The following PDE10A variants were observed in gnomAD, a reference collection of about 807,000 sequenced individuals.
The protein encoded by PDE10A is phosphodiesterase 10A, also known as cAMP and cAMP-inhibited cGMP 3',5'-cyclic phosphodiesterase 10A.
Under a neutral mutation model 97.7 loss-of-function variants are expected in PDE10A, and 39 were observed. That is an observed-to-expected ratio of 0.40 (90% confidence interval 0.31 to 0.52). PDE10A has a LOEUF of 0.52. Ranked by LOEUF, PDE10A falls within the 20% of genes least tolerant of loss-of-function variation. The pLI is 0.56. For missense variants in PDE10A, 731 were observed against 1,047.8 expected (o/e 0.70, Z 4.17); for synonymous variants, 371 against 376.8 (o/e 0.98, Z 0.18).
chr6:165,795,834 T>G (rs1778812714), intron 1 of PDE10A, among the ~76,000 whole-genome samples: 1 of 152,222 alleles, frequency 6.6e-6, no homozygotes, highest in Non-Finnish European at 1.5e-5. Flanking sequence ...CTGAAGACAT[T>G]CTTACTGGCA....
At chr6:165,416,158 C>T (rs1158500546) in intron 12 of PDE10A, 31 bp downstream of exon 12, 2 of 1,370,222 alleles carry the variant, frequency 1.5e-6, no homozygotes, top group Admixed American at 1.7e-5. Flanking sequence ...CAGAAGAAAT[C>T]AATGGAGTGT....
chr6:165,620,305 C>T (rs1456328310), intron 1 of PDE10A, among the ~76,000 whole-genome samples: 2 of 152,118 alleles, frequency 1.3e-5, no homozygotes, highest in Non-Finnish European at 2.9e-5. Context: ...GCAGTATCTG[C>T]ACTGTGCATG....
intron 12 of PDE10A, among the ~76,000 whole-genome samples, chr6:165,415,622 A>G (rs1788258312): frequency 6.6e-6 from 1 of 152,186 alleles, no homozygotes; most frequent in Non-Finnish European, 1.5e-5. Context: ...GGGTCAGGTA[A>G]ATTTTCCAGA....
At position 165,379,307 on chromosome 6, in the gene PDE10A, C is replaced by A. The variant is rs760870734; in HGVS notation, c.2670G>T (p.Glu890Asp). The change falls in exon 18 of 22, where the codon GAG becomes GAT. Residue 890 changes from glutamate to aspartate, a missense_variant. This residue lies in a region of PDE10A where 25 missense variants were observed against 83.7 expected (regional missense o/e 0.30). Coordinates refer to ENST00000539869, the MANE Select transcript of PDE10A (RefSeq NM_001385079.1). ...TGGCAATGATGGCTTTGCGGATGAT[C>A]TCAAGCACCTGCTCATATTCACTGG... ...LSSSEYEQVL[E>D]IIRKAIIATD... 46 of 1,613,656 alleles carry A rather than the reference C, an allele frequency of 2.9e-5. 1 individual carries two copies. The Admixed American group carries it at 7.7e-4, about 27-fold the overall frequency.
At chr6:165,764,948 A>C (rs1777789110) in intron 1 of PDE10A, among the ~76,000 whole-genome samples, 1 of 152,130 alleles carries the variant, frequency 6.6e-6, no homozygotes, top group African/African-American at 2.4e-5. Flanking sequence ...GTGCGTTTAT[A>C]ATCCCTGAGC....
At chr6:165,556,655 T>C (rs1784269292) in intron 1 of PDE10A, among the ~76,000 whole-genome samples, 1 of 152,160 alleles carries the variant, frequency 6.6e-6, no homozygotes, top group Non-Finnish European at 1.5e-5. Context: ...AGCCTAATGC[T>C]AAGTAAATAC....
In PDE10A at chr6:165,655,776, T is replaced by C. The variant is rs1390149804; in HGVS notation, c.865+6171A>G. On this transcript the variant is annotated intron_variant, in intron 1 of 21. Transcript: ENST00000539869. This position sits in a 1 kb window ranked among gnomAD's most constrained non-coding sequence, Gnocchi z 4.5. ...GCTTTCATGCGGAGTAAACTGCAGT[T>C]TTTTCCTCTGACTGACAAAGCCTTC... Among the ~76,000 whole-genome samples the C allele has an allele frequency of 6.6e-6, 1 of 151,950 alleles. No homozygotes were observed. The highest frequency in any genetic ancestry group is 2.1e-4 in the South Asian group (1 of 4,818).
Position 165,662,717 on chromosome 6 carries a change from G to C in PDE10A, c.95C>G (p.Pro32Arg), listed in dbSNP as rs1231590713. Residue 32 changes from proline (P) to arginine (R), a missense_variant, in exon 1 of 22, where the codon CCG (proline) becomes CGG (arginine). Around this residue, in one of 8 missense-constraint regions of PDE10A, gnomAD observed 181 missense variants for 159.1 expected, o/e 1.14. Coordinates refer to ENST00000539869, the MANE Select transcript of PDE10A (RefSeq NM_001385079.1). ...GCCGGCCGCGCTGAGCCGGGGTTCC[G>C]GGCGGAGTTTGCCGGGGCCGCAGCC... ...EPGCGPGKLR[P>R]EPRLSAAGGG... is the part of the protein sequence containing the mutation. 6.8e-6 allele frequency among the ~76,000 whole-genome samples: 1 copy of C among 147,346 alleles called. No homozygotes were observed. Among genetic ancestry groups the C allele is most frequent in the Non-Finnish European group, 1.5e-5 (1 of 66,346 alleles).
intron 1 of PDE10A, among the ~76,000 whole-genome samples, chr6:165,646,255 T>C (rs1051166329): frequency 1.3e-5 from 2 of 152,200 alleles, no homozygotes; most frequent in African/African-American, 4.8e-5. Flanking sequence ...TGGAAACGGC[T>C]CTCCATTTTC....
At chr6:165,527,419 A>G (rs1782511812) in intron 2 of PDE10A, among the ~76,000 whole-genome samples, 1 of 152,206 alleles carries the variant, frequency 6.6e-6, no homozygotes, top group Non-Finnish European at 1.5e-5. Flanking sequence ...TCAGTAGTAG[A>G]CAGGGATGCT....
chr6:165,501,099 G>A (rs767747213), intron 2 of PDE10A, among the ~76,000 whole-genome samples: 45 of 152,074 alleles, frequency 3.0e-4, no homozygotes, highest in Admixed American at 1.1e-3. Flanking sequence ...GACCATTGCC[G>A]GCTCGGGTCC....
intron 1 of PDE10A, among the ~76,000 whole-genome samples, chr6:165,713,051 C>T (rs747866379): frequency 6.6e-6 from 1 of 152,216 alleles, no homozygotes; most frequent in Non-Finnish European, 1.5e-5. Flanking sequence ...TCATCCAGTG[C>T]GAATTGCCAC....
intron 1 of PDE10A, among the ~76,000 whole-genome samples, chr6:165,693,706 G>T (rs7747284): frequency 6.6e-6 from 1 of 151,914 alleles, no homozygotes; most frequent in Admixed American, 6.5e-5. Flanking sequence ...TTACTTGAAC[G>T]ATGTTCCCCA....
At chr6:165,829,162 C>T (rs983039381) in intron 1 of PDE10A, among the ~76,000 whole-genome samples, 2 of 152,176 alleles carry the variant, frequency 1.3e-5, no homozygotes, top group African/African-American at 4.8e-5. Flanking sequence ...TTGATAGTGG[C>T]AGGCCCTAAG....
rs1779502221 is a variant in PDE10A, at chr6:165,819,287, C to T, written c.-615+168242G>A. Among the ~76,000 whole-genome samples the T allele has an allele frequency of 6.6e-6, 1 of 152,212 alleles. No homozygotes were observed. ...CTCTCCGTCCACACGTCAGCAGTTG[C>T]CCAGCCTCATGACTTCTACCTCTTA... On this transcript the variant is annotated intron_variant, in intron 1 of 19. Coordinates refer to the PDE10A transcript ENST00000366882. The surrounding 1 kb of genome is among the most constrained non-coding windows in gnomAD (Gnocchi z 4.2).
At chr6:165,545,750 A>T (rs1214797447) in intron 1 of PDE10A, among the ~76,000 whole-genome samples, 3 of 152,246 alleles carry the variant, frequency 2.0e-5, no homozygotes, top group South Asian at 2.1e-4. Flanking sequence ...AATTAAAAAA[A>T]AACTGACAGT....
chr6:165,410,412 G>A (rs1787649169), intron 13 of PDE10A, among the ~76,000 whole-genome samples: 1 of 152,110 alleles, frequency 6.6e-6, no homozygotes, highest in South Asian at 2.1e-4. Flanking sequence ...GGGACAAGTT[G>A]GAATAAGATT....
intron 1 of PDE10A, among the ~76,000 whole-genome samples, chr6:165,757,155 C>T (rs1010197440): frequency 3.3e-5 from 5 of 151,918 alleles, no homozygotes; most frequent in African/African-American, 7.3e-5. Context: ...TTAGTAGAGA[C>T]GGGGTTTCAC....
At chr6:165,432,145 T>C in intron 7 of PDE10A, among the ~76,000 whole-genome samples, 1 of 152,300 alleles carries the variant, frequency 6.6e-6, no homozygotes, top group Non-Finnish European at 1.5e-5. Context: ...GCCTTCAGTG[T>C]ACTTCAGGGA....
Sources: gnomAD v4.1 joint callset for allele counts (sites outside exome capture counted in the v4.1 genomes callset) on GRCh38, gnomAD v4.1.1 for gene constraint, gnomAD v4.1.1 regional missense constraint, Gnocchi (gnomAD v3.1) non-coding constraint, MANE v1.5 for transcripts, NCBI Gene and HGNC (gene_info 2026-07-23, HGNC 2026-07-21) for gene names.